Variants in CSNK2A1 observed in about 807,000 individuals in gnomAD.
The protein encoded by CSNK2A1 is casein kinase II subunit alpha.
Under a neutral mutation model 62.9 loss-of-function variants are expected in CSNK2A1, and 10 were observed. The observed-to-expected ratio is 0.16, with a 90% confidence interval of 0.10 to 0.27. The LOEUF is 0.27. CSNK2A1 is among the 10% of genes least tolerant of loss of function. CSNK2A1 has a pLI of 1.00. For missense variants in CSNK2A1, 160 were observed against 492.0 expected (o/e 0.33, Z 6.38); for synonymous variants, 124 against 167.8 (o/e 0.74, Z 2.02).
Position 510,892 on chromosome 20 carries a change from A to T in CSNK2A1, c.-109-2232T>A, listed in dbSNP as rs867400856. Among the ~76,000 whole-genome samples the T allele has an allele frequency of 2.5e-4, 37 of 148,922 alleles. No individual in the cohort carries two copies. In the East Asian group the frequency reaches 3.8e-3, roughly 15 times the overall value. On this transcript the variant is annotated intron_variant, in intron 2 of 13. Transcript: ENST00000217244. ...CTACCACAGCTGGCTAATTAAATAA[A>T]TTTTTTTTTTGTAAAGATGGGGTTT...
rs559823217 is a variant in CSNK2A1, at chr20:508,138, C to T, written c.101+313G>A. On this transcript the variant is annotated intron_variant, in intron 3 of 13. Transcript: ENST00000217244. Reference sequence around the variant, plus strand: ...CAGCTCTCTTATAATCTTATGGAACCACTGTCCTACATGTGGTCTGTCATT... The same window carrying T: ...CAGCTCTCTTATAATCTTATGGAACTACTGTCCTACATGTGGTCTGTCATT... 22 of 209,988 alleles carry T rather than the reference C, an allele frequency of 1.0e-4. 1 individual carries two copies. The highest frequency in any genetic ancestry group is 5.8e-4 in the Admixed American group (10 of 17,234). The allele number at this position is 209,988 out of a possible 1,614,324, so 13.0% of individuals were successfully genotyped here. A position where few individuals can be genotyped will look rare whatever the true frequency, so the allele number is the denominator to read the frequency against.
intron 2 of CSNK2A1, among the ~76,000 whole-genome samples, chr20:520,976 G>A (rs987351462): frequency 6.6e-6 from 1 of 151,718 alleles, no homozygotes; most frequent in African/African-American, 2.4e-5. Context: ...CTCTACCTCT[G>A]GGGGGGAAAA....
Position 516,750 on chromosome 20 carries a change from AG to A in CSNK2A1, c.-109-8091del, listed in dbSNP as rs1600398925. Among the ~76,000 whole-genome samples the A allele has an allele frequency of 2.6e-5, 4 of 152,322 alleles. No homozygotes were observed. In the East Asian group the frequency reaches 7.7e-4, roughly 29 times the overall value. On this transcript the variant is annotated intron_variant, in intron 2 of 13. Transcript: ENST00000217244. ...ATGTATTTTTATTGATGAATTTCCT[AG>A]TATCAGAAATGGAAAAGATCATTCT...
chr20:515,998 C>G (rs1055334815), intron 2 of CSNK2A1, among the ~76,000 whole-genome samples: 1 of 152,086 alleles, frequency 6.6e-6, no homozygotes, highest in South Asian at 2.1e-4. Context: ...TCTTTTTCCC[C>G]TCGATAATTC....
At chr20:496,904 G>A (rs2122535372) in intron 7 of CSNK2A1, among the ~76,000 whole-genome samples, 1 of 152,250 alleles carries the variant, frequency 6.6e-6, no homozygotes, top group Non-Finnish European at 1.5e-5. Context: ...CTGAGTTAAA[G>A]TTTACTGTTT....
chr20:505,892 T>TTTTG (rs2018572401), intron 3 of CSNK2A1: 1 of 144,294 alleles, frequency 6.9e-6, no homozygotes, highest in African/African-American at 2.6e-5. Flanking sequence ...TTTTTTTTTT[T>TTTTG]GAGACGGAGT....
chr20:516,886 T>A (rs2018838867), intron 2 of CSNK2A1, among the ~76,000 whole-genome samples: 1 of 152,176 alleles, frequency 6.6e-6, no homozygotes, highest in Non-Finnish European at 1.5e-5. Flanking sequence ...CATCCCTAAA[T>A]GAACCATAGC....
intron 8 of CSNK2A1, 178 bp downstream of exon 8, chr20:495,541 A>G (rs2018328469): frequency 5.7e-6 from 3 of 529,206 alleles, no homozygotes; most frequent in Non-Finnish European, 1.0e-5. Flanking sequence ...GAATATTCTT[A>G]GGAATATAAA....
chr20:538,195 C>G (rs1169107065), intron 1 of CSNK2A1, among the ~76,000 whole-genome samples: 1 of 152,134 alleles, frequency 6.6e-6, no homozygotes, highest in Non-Finnish European at 1.5e-5. Flanking sequence ...CATCTGCCCA[C>G]CTCGGCCTCT....
intron 7 of CSNK2A1, chr20:496,625 A>C (rs2018352076): frequency 6.6e-6 from 1 of 152,168 alleles, no homozygotes; most frequent in African/African-American, 2.4e-5. Flanking sequence ...GCTTGCCACA[A>C]ACTGCATGAG....
intron 4 of CSNK2A1, chr20:503,775 G>T (rs1230345398): frequency 1.5e-5 from 6 of 397,958 alleles, no homozygotes; most frequent in Non-Finnish European, 2.2e-5. Context: ...GCAGCAACAG[G>T]TCTACATAAC....
Position 483,712 on chromosome 20 carries a change from A to G in CSNK2A1, c.*249T>C, listed in dbSNP as rs1568493738. ...AGAAAAAAAAATTTGTCCATGAAAT[A>G]TTCCACCTGCAGGTAATTTTTCAGG... On this transcript the variant is annotated 3_prime_UTR_variant, in exon 14 of 14. Coordinates refer to ENST00000217244, the MANE Select transcript of CSNK2A1 (RefSeq NM_177559.3). 2 of 278,154 alleles carry G rather than the reference A, an allele frequency of 7.2e-6. No individual in the cohort carries two copies. The allele number at this position is 278,154 out of a possible 1,614,324, so 17.2% of individuals were successfully genotyped here.
intron 9 of CSNK2A1, among the ~76,000 whole-genome samples, 178 bp downstream of exon 9, chr20:492,076 T>A (rs2018247235): frequency 1.3e-5 from 2 of 152,170 alleles, no homozygotes; most frequent in Non-Finnish European, 2.9e-5. Flanking sequence ...ATAAAAGTAA[T>A]GTAAGTCATG....
chr20:482,595 C>T lies in CSNK2A1; in HGVS notation c.*1366G>A, dbSNP rs574408345. The T allele has an allele frequency of 3.3e-5, 5 of 152,476 alleles. No individual in the cohort carries two copies. The East Asian group carries it at 5.8e-4, about 18-fold the overall frequency. The allele number at this position is 152,476 out of a possible 1,614,324, so 9.4% of individuals were successfully genotyped here. A position where few individuals can be genotyped will look rare whatever the true frequency, so the allele number is the denominator to read the frequency against. On this transcript the variant is annotated 3_prime_UTR_variant, in exon 14 of 14. Transcript: ENST00000217244. The stretch of plus-strand genomic sequence containing the variant: ...GAACGAGGGGTGTATAAAATGGGGG[C>T]CTTGGGAAGCCTCCACGGTACAGGG...
chr20:534,235 T>C (rs896917158), intron 1 of CSNK2A1, among the ~76,000 whole-genome samples: 6 of 152,218 alleles, frequency 3.9e-5, no homozygotes, highest in Non-Finnish European at 7.3e-5. Context: ...AAAGCCTAAA[T>C]AGGTTCTTTT....
rs1219200113 is a variant in CSNK2A1 at position 474,014 on chromosome 20, C to T, written c.*9947G>A. On this transcript the variant is annotated 3_prime_UTR_variant, in exon 14 of 14. Coordinates refer to ENST00000217244, the MANE Select transcript of CSNK2A1 (RefSeq NM_177559.3). ...AGGAGACAACAACATTGCAAGTGAT[C>T]TAGTCTTTGAAAGGCTTTTAAGCAA... 1 of 152,162 alleles carries T rather than the reference C, an allele frequency of 6.6e-6. No individual in the cohort carries two copies. The highest frequency in any genetic ancestry group is 1.5e-5 in the Non-Finnish European group (1 of 68,028). 9.4% of individuals were successfully genotyped at this position (152,162 alleles called of 1,614,324 possible).
chr20:494,880 C>G (rs1047027017), intron 8 of CSNK2A1: 5 of 152,216 alleles, frequency 3.3e-5, no homozygotes, highest in Admixed American at 1.3e-4. Flanking sequence ...CTTCATAAGA[C>G]TGCATGGCTG....
intron 13 of CSNK2A1, among the ~76,000 whole-genome samples, chr20:484,694 TTGTGTGTG>T (rs3055006): frequency 6.8e-6 from 1 of 147,620 alleles, no homozygotes; most frequent in African/African-American, 2.5e-5. Context: ...AATCATGTTT[TTGTGTGTG>T]TGTGTGTGTG....
chr20:524,727 AAAAG>A (rs1489842145), intron 2 of CSNK2A1, among the ~76,000 whole-genome samples: 22 of 150,682 alleles, frequency 1.5e-4, no homozygotes, highest in African/African-American at 5.2e-4. Flanking sequence ...AAAAAAAAAA[AAAAG>A]AGATACATCT....
Sources: allele counts gnomAD v4.1 joint callset (sites outside exome capture counted in the v4.1 genomes callset), GRCh38; gene constraint gnomAD v4.1.1; transcripts MANE v1.5; gene names NCBI Gene and HGNC (gene_info 2026-07-23, HGNC 2026-07-21).